Variants in LMBRD2 observed in about 807,000 individuals in gnomAD.
The protein encoded by LMBRD2 is LMBR1 domain containing 2, also known as G protein-coupled receptor-associated protein LMBRD2.
A neutral mutation model predicts 94.4 loss-of-function variants in LMBRD2; 55 were observed. The ratio of observed to expected loss-of-function variants is 0.58; its 90% CI spans 0.47 to 0.73. The LOEUF is 0.73. Ranked by LOEUF, LMBRD2 falls within the 30% of genes least tolerant of loss-of-function variation. The pLI is 0.00. For synonymous variants in LMBRD2, 246 were observed against 272.4 expected, an observed-to-expected ratio of 0.90 and a Z score of 0.95; for missense variants, 640 against 831.9, an observed-to-expected ratio of 0.77 and a Z score of 2.84.
chr5:36,114,543 A>G, intron 12 of LMBRD2, 22 bp from the exon 13 acceptor site: 1 of 1,516,478 alleles, frequency 6.6e-7, no homozygotes, highest in Non-Finnish European at 8.8e-7. Context: ...GAAAAAAGTA[A>G]GTTAAATTGG....
At chr5:36,140,297 A>G (rs1744373330) in intron 4 of LMBRD2, among the ~76,000 whole-genome samples, 1 of 152,124 alleles carries the variant, frequency 6.6e-6, no homozygotes, top group Non-Finnish European at 1.5e-5. Context: ...TCCCATGCTC[A>G]CTCACTCACA....
chr5:36,124,878 G>A (rs1327972528), intron 6 of LMBRD2, among the ~76,000 whole-genome samples: 2 of 151,994 alleles, frequency 1.3e-5, no homozygotes, highest in Non-Finnish European at 2.9e-5. Context: ...GTGAAACCCT[G>A]TCTCTACCAA....
intron 2 of LMBRD2, chr5:36,142,829 A>T (rs1744449119): frequency 2.6e-6 from 1 of 385,376 alleles, no homozygotes; most frequent in African/African-American, 2.1e-5. Context: ...GATTCACGCC[A>T]TTCTCCTGCC....
chr5:36,117,110 C>T (rs533997062), intron 10 of LMBRD2, among the ~76,000 whole-genome samples: 5 of 152,134 alleles, frequency 3.3e-5, no homozygotes, highest in South Asian at 2.1e-4. Context: ...CCAAAAGTTT[C>T]GAATCTACCT....
At chr5:36,135,059 T>A (rs1310908577) in intron 6 of LMBRD2, among the ~76,000 whole-genome samples, 1 of 152,204 alleles carries the variant, frequency 6.6e-6, no homozygotes, top group Non-Finnish European at 1.5e-5. Context: ...TGGCTATGGC[T>A]GCTTTCATCC....
chr5:36,150,447 C>A (rs952971372), intron 1 of LMBRD2, among the ~76,000 whole-genome samples: 35 of 152,166 alleles, frequency 2.3e-4, no homozygotes, highest in African/African-American at 8.4e-4. Flanking sequence ...TTTATTCTTT[C>A]TCCTCCATTA....
chr5:36,106,142 C>T (rs1011007030), intron 16 of LMBRD2, among the ~76,000 whole-genome samples: 1 of 152,086 alleles, frequency 6.6e-6, no homozygotes, highest in Non-Finnish European at 1.5e-5. Flanking sequence ...AGCACTCTCC[C>T]GTCTTGCCAG....
In LMBRD2 at chr5:36,101,299, AGATT is replaced by A. The variant is rs1320564017; in HGVS notation, c.*2743_*2746del. 6.6e-6 allele frequency: 1 copy of A among 151,978 alleles called. No homozygotes were observed. Among genetic ancestry groups the A allele is most frequent in the African/African-American group, 2.4e-5 (1 of 41,450 alleles). 9.4% of individuals were successfully genotyped at this position (151,978 alleles called of 1,614,324 possible). ...TTTAGAGGTGATTCATTAAATTAATAGATTATTATTATTTTCTACAATAGTTATT... is the reference window on the plus strand; with the variant it reads ...TTTAGAGGTGATTCATTAAATTAATAATTATTATTTTCTACAATAGTTATT... On this transcript the variant is annotated 3_prime_UTR_variant, in exon 18 of 18. Coordinates refer to ENST00000296603, the MANE Select transcript of LMBRD2 (RefSeq NM_001007527.2).
rs1743340828 is a variant in LMBRD2 at position 36,101,245 on chromosome 5, T to C, written c.*2801A>G. On this transcript the variant is annotated 3_prime_UTR_variant, in exon 18 of 18. Coordinates refer to ENST00000296603, the MANE Select transcript of LMBRD2 (RefSeq NM_001007527.2). ...AAAATGCTCTATTGATAACAAGTTA[T>C]TTATGTTGTAAAAGAAGTTAATTAG... 6.6e-6 allele frequency: 1 copy of C among 151,996 alleles called. No individual in the cohort carries two copies. 9.4% of individuals were successfully genotyped at this position (151,996 alleles called of 1,614,324 possible).
chr5:36,103,906 T>C lies in LMBRD2; in HGVS notation c.*140A>G. On this transcript the variant is annotated 3_prime_UTR_variant, in exon 18 of 18. Transcript: ENST00000296603. Reference sequence around the variant, plus strand: ...GCACATTAAACTATTATTCCTAAGATATAATTAATTCTCAGTGCCTTTTTT... The same window carrying C: ...GCACATTAAACTATTATTCCTAAGACATAATTAATTCTCAGTGCCTTTTTT... 2 of 594,314 alleles carry C rather than the reference T, an allele frequency of 3.4e-6. No individual in the cohort carries two copies. Among genetic ancestry groups the C allele is most frequent in the Middle Eastern group, 2.7e-4 (1 of 3,728 alleles). 36.8% of individuals were successfully genotyped at this position (594,314 alleles called of 1,614,324 possible). A position where few individuals can be genotyped will look rare whatever the true frequency, so the allele number is the denominator to read the frequency against.
rs1423280196 is a variant in LMBRD2 at position 36,099,893 on chromosome 5, G to A, written c.*4153C>T. 1 of 152,096 alleles carries A rather than the reference G, an allele frequency of 6.6e-6. No individual in the cohort carries two copies. The highest frequency in any genetic ancestry group is 2.4e-5 in the African/African-American group (1 of 41,414). 9.4% of individuals were successfully genotyped at this position (152,096 alleles called of 1,614,324 possible). On this transcript the variant is annotated 3_prime_UTR_variant, in exon 18 of 18. Transcript: ENST00000296603. ...AATGGACCAATGGCTTGGTACAGAA[G>A]GAATCAGAGGCGAGGACATGTTCCT...
intron 16 of LMBRD2, among the ~76,000 whole-genome samples, chr5:36,107,879 T>G (rs754212067): frequency 2.6e-4 from 39 of 152,144 alleles, no homozygotes; most frequent in Non-Finnish European, 5.3e-4. Flanking sequence ...TACTGAAGCC[T>G]CAGTGGTGGA....
At chr5:36,142,455 A>G in intron 3 of LMBRD2, 47 bp downstream of exon 3, 2 of 1,087,890 alleles carry the variant, frequency 1.8e-6, no homozygotes, top group Non-Finnish European at 2.8e-6. Context: ...TTTTTAAACA[A>G]TGTGTCCCCT....
At chr5:36,140,995 G>T (rs976102371) in intron 4 of LMBRD2, 112 bp downstream of exon 4, 6 of 603,778 alleles carry the variant, frequency 9.9e-6, no homozygotes, top group South Asian at 8.8e-5. Flanking sequence ...ATAATGGGTA[G>T]AAAGATTCAG....
intron 1 of LMBRD2, among the ~76,000 whole-genome samples, chr5:36,147,584 T>C (rs1247226459): frequency 6.6e-6 from 1 of 152,204 alleles, no homozygotes; most frequent in Non-Finnish European, 1.5e-5. Context: ...TCAATCTTTT[T>C]CCAATCATCA....
At chr5:36,123,527 C>T (rs1743934962) in intron 7 of LMBRD2, among the ~76,000 whole-genome samples, 2 of 151,930 alleles carry the variant, frequency 1.3e-5, no homozygotes, top group African/African-American at 4.8e-5. Flanking sequence ...CAGAACACTA[C>T]ACAAGAATCA....
At position 36,151,803 on chromosome 5, in the gene LMBRD2, G is replaced by T; in HGVS notation, c.-305C>A. 1 of 193,570 alleles carries T rather than the reference G, an allele frequency of 5.2e-6. No homozygotes were observed. Among genetic ancestry groups the T allele is most frequent in the South Asian group, 8.1e-5 (1 of 12,352 alleles). The allele number at this position is 193,570 out of a possible 1,614,324, so 12.0% of individuals were successfully genotyped here. ...GGTTCTGGGATCCACGCTCAGAGAC[G>T]ACAGCGCTGGCGATCACCAGAAGGC... On this transcript the variant is annotated 5_prime_UTR_variant, in exon 1 of 18. Transcript: ENST00000296603. The surrounding 1 kb of genome is among the most constrained non-coding windows in gnomAD (Gnocchi z 4.7).
chr5:36,110,011 C>G lies in LMBRD2; in HGVS notation c.1745-20G>C. 1 of 1,594,666 alleles carries G rather than the reference C, an allele frequency of 6.3e-7. No homozygotes were observed. Among genetic ancestry groups the G allele is most frequent in the South Asian group, 1.1e-5 (1 of 90,152 alleles). On this transcript the variant is annotated intron_variant, in intron 14 of 17. Coordinates refer to ENST00000296603, the MANE Select transcript of LMBRD2 (RefSeq NM_001007527.2). ...TCTTCTCTAAAGACAGAAAAATGAT[C>G]TCAAATATGGCATAACATGGTTTAA...
At chr5:36,126,747 TACCAAAC>T (rs2111881582) in intron 6 of LMBRD2, among the ~76,000 whole-genome samples, 1 of 151,890 alleles carries the variant, frequency 6.6e-6, no homozygotes, top group Admixed American at 6.5e-5. Context: ...ATCATAAAAA[TACCAAAC>T]AGTTTTTATA....
Sources: allele counts gnomAD v4.1 joint callset (sites outside exome capture counted in the v4.1 genomes callset), GRCh38; gene constraint gnomAD v4.1.1; non-coding constraint Gnocchi (gnomAD v3.1); transcripts MANE v1.5; gene names NCBI Gene and HGNC (gene_info 2026-07-23, HGNC 2026-07-21).